The following ARMH4 variants were observed in gnomAD, a reference collection of about 807,000 sequenced individuals.
ARMH4 encodes armadillo like helical domain containing 4, also known as armadillo-like helical domain-containing protein 4.
Under a neutral mutation model 61.9 loss-of-function variants are expected in ARMH4, and 49 were observed. The ratio of observed to expected loss-of-function variants is 0.79; its 90% CI spans 0.63 to 1.00. The LOEUF is 1.00. ARMH4 is among the 50% of genes least tolerant of loss of function. The pLI is 0.00. For missense variants in ARMH4, 934 were observed against 930.0 expected, an observed-to-expected ratio of 1.00 and a Z score of -0.06; for synonymous variants, 368 against 341.5, an observed-to-expected ratio of 1.08 and a Z score of -0.85.
At chr14:58,148,479 G>C (rs1330658329) in intron 1 of ARMH4, among the ~76,000 whole-genome samples, 1 of 152,122 alleles carries the variant, frequency 6.6e-6, no homozygotes, top group African/African-American at 2.4e-5. Flanking sequence ...CCTGTAGCAT[G>C]AATTGTCATT....
chr14:58,134,223 T>C (rs1464405582), intron 2 of ARMH4, among the ~76,000 whole-genome samples: 1 of 152,174 alleles, frequency 6.6e-6, no homozygotes, highest in African/African-American at 2.4e-5. Context: ...CCTTAACCAC[T>C]GTACTAACTA....
chr14:58,054,604 T>C (rs954442166), intron 5 of ARMH4, among the ~76,000 whole-genome samples: 2 of 152,050 alleles, frequency 1.3e-5, no homozygotes, highest in Non-Finnish European at 2.9e-5. Context: ...GGATATAAAA[T>C]ATAATGTTCC....
chr14:58,084,603 A>G (rs150562952), intron 5 of ARMH4, among the ~76,000 whole-genome samples: 30 of 152,248 alleles, frequency 2.0e-4, no homozygotes, highest in African/African-American at 6.3e-4. Context: ...AACAGTCACT[A>G]TCCTCTTTCA....
At chr14:58,053,971 A>C (rs1884233379) in intron 5 of ARMH4, among the ~76,000 whole-genome samples, 1 of 152,228 alleles carries the variant, frequency 6.6e-6, no homozygotes, top group Admixed American at 6.5e-5. Flanking sequence ...AAAAAGATTT[A>C]GCTTCTCTGA....
At chr14:58,089,207 T>C (rs1664742017) in intron 5 of ARMH4, among the ~76,000 whole-genome samples, 1 of 152,232 alleles carries the variant, frequency 6.6e-6, no homozygotes, top group Non-Finnish European at 1.5e-5. Context: ...CTTTAGGCCA[T>C]AGCTTAACAT....
In ARMH4 at chr14:58,137,980, T is replaced by A; in HGVS notation, c.1369+10A>T. On this transcript the variant is annotated intron_variant, in intron 2 of 7. Transcript: ENST00000267485. ...AAACCAAAGTTTGTTTTTCTTTTTC[T>A]TTCTTTTACCTTTCATTGTATTTCC... The A allele has an allele frequency of 6.4e-7, 1 of 1,565,624 alleles. No homozygotes were observed. Among genetic ancestry groups the A allele is most frequent in the Non-Finnish European group, 8.6e-7 (1 of 1,156,338 alleles).
At chr14:58,120,803 A>G (rs1293191897) in intron 4 of ARMH4, among the ~76,000 whole-genome samples, 1 of 152,214 alleles carries the variant, frequency 6.6e-6, no homozygotes, top group Non-Finnish European at 1.5e-5. Context: ...AAAAAGATCT[A>G]GCTTCGTTAA....
chr14:58,148,403 T>A (rs1887817089), intron 1 of ARMH4, among the ~76,000 whole-genome samples: 1 of 152,170 alleles, frequency 6.6e-6, no homozygotes, highest in South Asian at 2.1e-4. Flanking sequence ...TACCCAGGTA[T>A]CCAAACCCTG....
At chr14:58,047,564 C>T (rs1311745432) in intron 5 of ARMH4, among the ~76,000 whole-genome samples, 1 of 152,092 alleles carries the variant, frequency 6.6e-6, no homozygotes, top group Non-Finnish European at 1.5e-5. Context: ...AACTTCTTGC[C>T]CAAAATCACA....
intron 5 of ARMH4, among the ~76,000 whole-genome samples, chr14:58,091,650 T>C (rs1285327211): frequency 2.0e-5 from 3 of 152,232 alleles, no homozygotes; most frequent in African/African-American, 4.8e-5. Flanking sequence ...ACTTTAAAGA[T>C]GATAATTGTG....
chr14:58,105,668 C>G (rs1358275842), intron 4 of ARMH4, among the ~76,000 whole-genome samples: 1 of 141,246 alleles, frequency 7.1e-6, no homozygotes, highest in Non-Finnish European at 1.5e-5. Flanking sequence ...GCCTGGGCAA[C>G]AGAGTAAGAC....
At chr14:58,136,548 CTTTCT>C (rs1359846937) in intron 2 of ARMH4, among the ~76,000 whole-genome samples, 4 of 152,152 alleles carry the variant, frequency 2.6e-5, no homozygotes, top group African/African-American at 9.7e-5. Context: ...AAAATTCAAT[CTTTCT>C]TTTGTCATTT....
chr14:58,011,703 T>TA (rs1406773113), intron 6 of ARMH4, among the ~76,000 whole-genome samples: 1 of 148,396 alleles, frequency 6.7e-6, no homozygotes, highest in Non-Finnish European at 1.5e-5. Flanking sequence ...ACAGGTCAGC[T>TA]AATCAATACC....
At chr14:58,096,698 A>T (rs1885760792) in intron 5 of ARMH4, 26 bp downstream of exon 5, 1 of 1,597,748 alleles carries the variant, frequency 6.3e-7, no homozygotes, top group Non-Finnish European at 8.6e-7. Flanking sequence ...AGAAGGGAGG[A>T]AAAGGGAAAT....
At chr14:58,008,914 T>C (rs1882284185) in intron 6 of ARMH4, among the ~76,000 whole-genome samples, 1 of 152,224 alleles carries the variant, frequency 6.6e-6, no homozygotes. Flanking sequence ...CTGGTCTTTA[T>C]TACACAATTA....
At chr14:58,029,940 G>T (rs35663056) in intron 5 of ARMH4, among the ~76,000 whole-genome samples, 2,004 of 151,732 alleles carry the variant, frequency 0.013, 34 homozygotes, top group East Asian at 0.082. Flanking sequence ...GCAGCCAAAA[G>T]GAGGAAATAA....
At chr14:58,136,593 A>G (rs1003582931) in intron 2 of ARMH4, among the ~76,000 whole-genome samples, 16 of 152,190 alleles carry the variant, frequency 1.1e-4, no homozygotes, top group African/African-American at 3.6e-4. Flanking sequence ...TTTTAATTCA[A>G]TCTCAACACC....
intron 1 of ARMH4, among the ~76,000 whole-genome samples, chr14:58,141,925 T>A (rs866608588): frequency 2.4e-4 from 36 of 152,276 alleles, no homozygotes; most frequent in Admixed American, 7.2e-4. Context: ...TACTTTAAAA[T>A]TAGCAATCTT....
chr14:58,016,483 G>A (rs1882620106), intron 5 of ARMH4, among the ~76,000 whole-genome samples: 1 of 152,044 alleles, frequency 6.6e-6, no homozygotes, highest in Non-Finnish European at 1.5e-5. Context: ...TTGGGTAGTA[G>A]AATTATCGAT....
Sources: allele counts gnomAD v4.1 joint callset (sites outside exome capture counted in the v4.1 genomes callset), GRCh38; gene constraint gnomAD v4.1.1; transcripts MANE v1.5; gene names NCBI Gene and HGNC (gene_info 2026-07-23, HGNC 2026-07-21).